The following TXLNG variants were observed in gnomAD, a reference collection of about 807,000 sequenced individuals.
TXLNG encodes taxilin gamma, also known as gamma-taxilin.
A neutral mutation model predicts 38.8 loss-of-function variants in TXLNG; 5 were observed. The ratio of observed to expected loss-of-function variants is 0.13; its 90% CI spans 0.07 to 0.27. The LOEUF is 0.27. TXLNG is among the 10% of genes least tolerant of loss of function. The pLI is 1.00. For synonymous variants in TXLNG, 182 were observed against 158.2 expected, an observed-to-expected ratio of 1.15 and a Z score of -1.13; for missense variants, 393 against 398.2, an observed-to-expected ratio of 0.99 and a Z score of 0.11.
intron 1 of TXLNG, among the ~76,000 whole-genome samples, chrX:16,787,819 T>C (rs189882291): frequency 8.9e-6 from 1 of 112,304 alleles, no homozygotes. Flanking sequence ...TTAACTCCTG[T>C]ATGAAATTAC....
Position 16,828,258 on chromosome X carries a change from G to A in TXLNG, c.663G>A (p.Thr221=), listed in dbSNP as rs148229186. ...GAGAACTTCAGCGTCACAATAAGAC[G>A]TTAAAGGTTAGTTGCTTCATTTGTC... is the stretch of plus-strand genomic sequence containing the variant. ...LCRELQRHNK[T]LKEENMQQAR... is the part of the protein sequence containing the mutation. The change falls in exon 4 of 10, where the codon ACG becomes ACA. Residue 221 remains threonine (T), a synonymous_variant. Transcript: ENST00000380122. 1.4e-5 allele frequency: 17 copies of A among 1,192,113 alleles called. No individual in the cohort carries two copies. Among genetic ancestry groups the A allele is most frequent in the African/African-American group, 1.1e-4 (6 of 56,890 alleles).
At chrX:16,838,412 T>G (rs771499749) in intron 8 of TXLNG, among the ~76,000 whole-genome samples, 1 of 112,045 alleles carries the variant, frequency 8.9e-6, no homozygotes, top group South Asian at 3.7e-4. Flanking sequence ...TATTATTAGA[T>G]CTCACATAGT....
rs926182641 is a variant in TXLNG, at chrX:16,842,282, C to G, written c.*516C>G. 5.4e-5 allele frequency: 6 copies of G among 111,663 alleles called. No homozygotes were observed. The highest frequency in any genetic ancestry group is 2.0e-4 in the African/African-American group (6 of 30,461). The allele number at this position is 111,663 out of a possible 1,213,427, so 9.2% of individuals were successfully genotyped here. A position where few individuals can be genotyped will look rare whatever the true frequency, so the allele number is the denominator to read the frequency against. ...CAGAAGCATATTTGATTGAAATTAG[C>G]TTTTTGAAAACATTTATATCTCGGG... On this transcript the variant is annotated 3_prime_UTR_variant, in exon 10 of 10. Transcript: ENST00000380122.
chrX:16,830,736 G>GT (rs200993270), intron 5 of TXLNG, among the ~76,000 whole-genome samples: 18 of 99,261 alleles, frequency 1.8e-4, no homozygotes, highest in African/African-American at 5.6e-4. Flanking sequence ...ACTGCCTTTT[G>GT]TTTTTTTTAA....
At chrX:16,788,673 T>TTTTG (rs1181616051) in intron 1 of TXLNG, among the ~76,000 whole-genome samples, 1 of 99,981 alleles carries the variant, frequency 1.0e-5, no homozygotes, top group East Asian at 3.0e-4. Context: ...TTGTGTTTTT[T>TTTTG]TTTTTTTTTT....
At chrX:16,840,549 G>T (rs774097920) in intron 9 of TXLNG, 1 of 512,433 alleles carries the variant, frequency 2.0e-6, no homozygotes, top group East Asian at 1.8e-4. Flanking sequence ...CGACGCAGGC[G>T]GATCATGAGG....
chrX:16,829,509 C>T, intron 4 of TXLNG, 67 bp from the exon 5 acceptor site: 4 of 1,041,653 alleles, frequency 3.8e-6, no homozygotes, highest in East Asian at 3.2e-5. Flanking sequence ...CACATTGCAG[C>T]AGCTTCTCTT....
chrX:16,818,564 T>C lies in TXLNG; in HGVS notation c.103-10T>C, dbSNP rs1928824701. 8.3e-7 allele frequency: 1 copy of C among 1,202,649 alleles called. No homozygotes were observed. The highest frequency in any genetic ancestry group is 1.1e-6 in the Non-Finnish European group (1 of 890,789). On this transcript the variant is annotated splice_polypyrimidine_tract_variant and intron_variant, in intron 1 of 9. Transcript: ENST00000380122. The stretch of plus-strand genomic sequence containing the variant: ...TTCTCCATCTTTTTTCTCCTTCTCC[T>C]TTCTTCTAGTTTGAAATTGGCACAA...
chrX:16,823,509 C>G (rs181930753), intron 3 of TXLNG, among the ~76,000 whole-genome samples: 5 of 106,912 alleles, frequency 4.7e-5, no homozygotes, highest in African/African-American at 1.7e-4. Flanking sequence ...TGTGAGGTCA[C>G]CAAGGGAGTC....
Position 16,842,138 on chromosome X carries a change from T to G in TXLNG, c.*372T>G, listed in dbSNP as rs752554460. The G allele has an allele frequency of 6.3e-4, 73 of 116,462 alleles. No individual in the cohort carries two copies. Among genetic ancestry groups the G allele is most frequent in the African/African-American group, 3.1e-3 (73 of 23,912 alleles). The allele number at this position is 116,462 out of a possible 1,213,427, so 9.6% of individuals were successfully genotyped here. On this transcript the variant is annotated 3_prime_UTR_variant, in exon 10 of 10. Transcript: ENST00000380122. ...TCCTTGATGTGAAAACAATATTAATTTAAACGTCTTAGCCCCCCCCCCCAT... is the reference window on the plus strand; with the variant it reads ...TCCTTGATGTGAAAACAATATTAATGTAAACGTCTTAGCCCCCCCCCCCAT...
At chrX:16,830,707 T>A (rs932699146) in intron 5 of TXLNG, among the ~76,000 whole-genome samples, 10 of 108,286 alleles carry the variant, frequency 9.2e-5, no homozygotes, top group South Asian at 4.0e-4. Flanking sequence ...ATTTTTTTTT[T>A]AAAGATTTTA....
chrX:16,824,065 G>A (rs1929080818), intron 3 of TXLNG, among the ~76,000 whole-genome samples: 1 of 111,946 alleles, frequency 8.9e-6, no homozygotes, highest in Non-Finnish European at 1.9e-5. Flanking sequence ...TGATATTAAT[G>A]TAACTTAAAA....
rs781486720 is a variant in TXLNG at position 16,841,813 on chromosome X, TTC to T, written c.*51_*52del. ...TGAGAGATATATTTTGTGTATAACT[TTC>T]TCTGTTAGTAGTTAACTATTGGTTT... is the stretch of plus-strand genomic sequence containing the variant. On this transcript the variant is annotated 3_prime_UTR_variant, in exon 10 of 10. Coordinates refer to ENST00000380122, the MANE Select transcript of TXLNG (RefSeq NM_018360.3). 32 of 1,127,507 alleles carry T rather than the reference TTC, an allele frequency of 2.8e-5. No homozygotes were observed. Among genetic ancestry groups the T allele is most frequent in the East Asian group, 1.2e-4 (4 of 33,209 alleles). 92.9% of individuals were successfully genotyped at this position (1,127,507 alleles called of 1,213,427 possible).
intron 1 of TXLNG, among the ~76,000 whole-genome samples, chrX:16,790,168 T>C (rs962216253): frequency 5.4e-5 from 6 of 111,434 alleles, no homozygotes; most frequent in African/African-American, 2.0e-4. Context: ...AATATTGCTA[T>C]ATTATTATTG....
chrX:16,831,169 C>G (rs748846674), intron 5 of TXLNG, among the ~76,000 whole-genome samples: 1 of 112,179 alleles, frequency 8.9e-6, no homozygotes, highest in Non-Finnish European at 1.9e-5. Context: ...TGCAATGGCT[C>G]ACGCCTGTAA....
intron 6 of TXLNG, among the ~76,000 whole-genome samples, chrX:16,833,685 A>G (rs1929494793): frequency 8.9e-6 from 1 of 112,178 alleles, no homozygotes; most frequent in African/African-American, 3.2e-5. Flanking sequence ...TTGCTTCAGT[A>G]GGACTTTTCT....
In TXLNG at chrX:16,841,431, A is replaced by C; in HGVS notation, c.1252A>C (p.Thr418Pro). 3.4e-6 allele frequency: 4 copies of C among 1,185,861 alleles called. No homozygotes were observed. Among genetic ancestry groups the C allele is most frequent in the Non-Finnish European group, 4.5e-6 (4 of 883,702 alleles). Residue 418 changes from threonine (T) to proline (P), a missense_variant, in exon 10 of 10, where the codon ACA (threonine) becomes CCA (proline). Physicochemically the swap from Thr to Pro is conservative, Grantham distance 38 (BLOSUM62 -1). Coordinates refer to ENST00000380122, the MANE Select transcript of TXLNG (RefSeq NM_018360.3). The part of the protein sequence containing the change: ...KALLQMAEEK[T>P]VRDKEYKALQ... ...GAAATCCTCTTTTTTCTTACAGAAA[A>C]CAGTCCGTGATAAAGAGTACAAGGC...
At chrX:16,811,353 G>T (rs932947160) in intron 1 of TXLNG, among the ~76,000 whole-genome samples, 2 of 110,885 alleles carry the variant, frequency 1.8e-5, no homozygotes, top group African/African-American at 6.6e-5. Context: ...TAGTTTTTTG[G>T]CCTTCCTTAT....
intron 3 of TXLNG, 98 bp downstream of exon 3, chrX:16,820,353 A>G: frequency 1.7e-6 from 1 of 599,188 alleles, no homozygotes; most frequent in Non-Finnish European, 2.6e-6. Context: ...TATGGCCTTA[A>G]ATGTAAAATT....
Sources: allele counts gnomAD v4.1 joint callset (sites outside exome capture counted in the v4.1 genomes callset), GRCh38; gene constraint gnomAD v4.1.1; transcripts MANE v1.5; gene names NCBI Gene and HGNC (gene_info 2026-07-23, HGNC 2026-07-21).